The following CHN1 variants were observed in gnomAD, a reference collection of about 807,000 sequenced individuals.
CHN1 encodes chimerin 1.
CHN1 carries 37 observed loss-of-function variants against 59.5 expected under a neutral mutation model. The ratio of observed to expected loss-of-function variants is 0.62; its 90% CI spans 0.48 to 0.82. The LOEUF (loss-of-function observed/expected upper bound fraction) is 0.82, where lower values mean the gene tolerates loss of function less well. CHN1 is among the 40% of genes least tolerant of loss of function. The probability of loss-of-function intolerance (pLI) is 0.00; values close to 1 mark genes in which losing one functional copy is unlikely to be tolerated. For synonymous variants in CHN1, 206 were observed against 200.4 expected (o/e 1.03, Z -0.24); for missense variants, 469 against 571.0 (o/e 0.82, Z 1.82).
At chr2:174,966,632 C>T (rs1690601534) in intron 1 of CHN1, among the ~76,000 whole-genome samples, 1 of 152,180 alleles carries the variant, frequency 6.6e-6, no homozygotes, top group Admixed American at 6.5e-5. Context: ...TTTCACTATA[C>T]TCCTGAAAAC....
In CHN1 at chr2:174,812,320, A is replaced by G. The variant is rs1574043559; in HGVS notation, c.875T>C (p.Ile292Thr). The change falls in exon 9 of 13, where the codon ATT becomes ACT. Residue 292 changes from isoleucine (I) to threonine (T), a missense_variant. Around this residue, in one of 5 missense-constraint regions of CHN1, gnomAD observed 225 missense variants for 289.9 expected, o/e 0.78. Transcript: ENST00000409900. ...PMVVDMCIRE[I>T]ESRGLNSEGL... is the part of the protein sequence containing the mutation. ...TGCAAATGGCTCACCTCTAGACTCA[A>G]TCTCCCTGATGCACATGTCTACCAC... 6.2e-7 allele frequency: 1 copy of G among 1,612,508 alleles called. No homozygotes were observed. The highest frequency in any genetic ancestry group is 8.5e-7 in the Non-Finnish European group (1 of 1,178,796).
intron 3 of CHN1, among the ~76,000 whole-genome samples, chr2:174,943,592 C>A (rs1689737940): frequency 6.6e-6 from 1 of 152,002 alleles, no homozygotes; most frequent in Non-Finnish European, 1.5e-5. Context: ...TTACATGGTT[C>A]AAAAGTCACA....
In CHN1 at chr2:174,893,253, A is replaced by G. The variant is rs535274838; in HGVS notation, c.261-15125T>C. Among the ~76,000 whole-genome samples, 8 of 152,326 alleles carry G rather than the reference A, an allele frequency of 5.3e-5. No homozygotes were observed. In the East Asian group the frequency reaches 1.5e-3, roughly 29 times the overall value. On this transcript the variant is annotated intron_variant, in intron 5 of 12. Transcript: ENST00000409900. Reference sequence around the variant, plus strand: ...CTCCACAAGAAAACTATCAGAACCAATAAATGAATTTAGTAAAACTGCAGG... The same window carrying G: ...CTCCACAAGAAAACTATCAGAACCAGTAAATGAATTTAGTAAAACTGCAGG...
chr2:174,969,590 C>T (rs552373869), intron 1 of CHN1, among the ~76,000 whole-genome samples: 2 of 152,266 alleles, frequency 1.3e-5, no homozygotes, highest in South Asian at 4.1e-4. Context: ...AATCTTCCTG[C>T]CCAGGTGTCT....
At chr2:174,920,401 C>T (rs192018977) in intron 3 of CHN1, among the ~76,000 whole-genome samples, 9 of 152,178 alleles carry the variant, frequency 5.9e-5, no homozygotes, top group Admixed American at 4.6e-4. Flanking sequence ...GGAGAGATTA[C>T]GTAACTTATT....
At chr2:174,942,443 G>A (rs1050936604) in intron 3 of CHN1, among the ~76,000 whole-genome samples, 3 of 152,082 alleles carry the variant, frequency 2.0e-5, no homozygotes, top group East Asian at 1.9e-4. Context: ...TCATTCATAT[G>A]TGGGAGCTAA....
intron 5 of CHN1, among the ~76,000 whole-genome samples, chr2:174,891,847 T>G (rs941563999): frequency 6.6e-6 from 1 of 151,588 alleles, no homozygotes; most frequent in African/African-American, 2.4e-5. Flanking sequence ...GTTAGTTTTT[T>G]AAAAAGATCA....
At chr2:174,828,138 A>T (rs1428091274) in intron 7 of CHN1, among the ~76,000 whole-genome samples, 1 of 152,182 alleles carries the variant, frequency 6.6e-6, no homozygotes, top group Non-Finnish European at 1.5e-5. Context: ...ACAGGAATTC[A>T]TGCCTGGCAG....
intron 6 of CHN1, among the ~76,000 whole-genome samples, chr2:174,862,373 G>A (rs60429599): frequency 0.028 from 4,203 of 148,476 alleles, 80 homozygotes; most frequent in African/African-American, 0.054. Flanking sequence ...TTGCTCTGTC[G>A]CCAGGCTGGA....
rs1037304018 is a variant in CHN1 at position 175,001,714 on chromosome 2, C to T, written c.19+3180G>A. The stretch of plus-strand genomic sequence containing the variant: ...AGCCGACGGTAACTGAGTTCCCAAT[C>T]GCATCAGTTGGTCTGGGCTATAAAC... On this transcript the variant is annotated intron_variant, in intron 1 of 12. Coordinates refer to ENST00000409900, the MANE Select transcript of CHN1 (RefSeq NM_001822.7). Among the ~76,000 whole-genome samples, 11 of 152,314 alleles carry T rather than the reference C, an allele frequency of 7.2e-5. No individual in the cohort carries two copies. In the South Asian group the frequency reaches 8.3e-4, roughly 11 times the overall value.
At chr2:174,894,388 C>T (rs958367403) in intron 5 of CHN1, among the ~76,000 whole-genome samples, 2 of 152,060 alleles carry the variant, frequency 1.3e-5, no homozygotes, top group Admixed American at 1.3e-4. Context: ...CATCACTAAT[C>T]ATCAGGGAAA....
At chr2:174,903,858 G>T (rs1336423357) in intron 5 of CHN1, among the ~76,000 whole-genome samples, 1 of 152,082 alleles carries the variant, frequency 6.6e-6, no homozygotes, top group African/African-American at 2.4e-5. Context: ...TTGAGAATAA[G>T]TTGGAATAAA....
intron 1 of CHN1, among the ~76,000 whole-genome samples, chr2:174,970,868 A>G (rs938408587): frequency 6.6e-6 from 1 of 152,198 alleles, no homozygotes; most frequent in Non-Finnish European, 1.5e-5. Flanking sequence ...TTCCAACTAT[A>G]TATCTGTATA....
At chr2:174,847,832 T>C in intron 6 of CHN1, 1 of 449,796 alleles carries the variant, frequency 2.2e-6, no homozygotes, top group Non-Finnish European at 4.1e-6. Flanking sequence ...AATGAATGAG[T>C]CATGCATTAT....
intron 6 of CHN1, among the ~76,000 whole-genome samples, chr2:174,868,534 G>A (rs1489875100): frequency 6.6e-6 from 1 of 152,126 alleles, no homozygotes; most frequent in Non-Finnish European, 1.5e-5. Context: ...AAACTAATAT[G>A]CAAATAATTT....
chr2:174,992,490 G>A (rs1422291753), intron 1 of CHN1, among the ~76,000 whole-genome samples: 3 of 152,194 alleles, frequency 2.0e-5, no homozygotes, highest in Middle Eastern at 3.2e-3. Flanking sequence ...CTCAAAAGAC[G>A]AGAGAAAAAA....
At chr2:174,952,484 C>A (rs578050448) in intron 1 of CHN1, among the ~76,000 whole-genome samples, 4 of 152,282 alleles carry the variant, frequency 2.6e-5, no homozygotes, top group African/African-American at 7.2e-5. Flanking sequence ...CTTACTATCA[C>A]TGAAGTAATA....
chr2:174,980,623 T>C (rs747120008), intron 1 of CHN1, among the ~76,000 whole-genome samples: 4 of 152,190 alleles, frequency 2.6e-5, no homozygotes, highest in Non-Finnish European at 4.4e-5. Flanking sequence ...AGGTGAGATA[T>C]GCCTGGTTTC....
chr2:174,853,100 A>G (rs1482741077), intron 6 of CHN1, among the ~76,000 whole-genome samples: 1 of 152,212 alleles, frequency 6.6e-6, no homozygotes, highest in Admixed American at 6.5e-5. Flanking sequence ...AAGTGGGCCT[A>G]ATTCAACCGA....
Sources: gnomAD v4.1 joint callset for allele counts (sites outside exome capture counted in the v4.1 genomes callset) on GRCh38, gnomAD v4.1.1 for gene constraint, gnomAD v4.1.1 regional missense constraint, MANE v1.5 for transcripts, NCBI Gene and HGNC (gene_info 2026-07-23, HGNC 2026-07-21) for gene names.